The following UBE3B variants were observed in gnomAD, a reference collection of about 807,000 sequenced individuals.
UBE3B encodes the protein ubiquitin-protein ligase E3B.
In UBE3B, 80 loss-of-function variants were observed where a neutral mutation model predicts 132.3. The observed-to-expected ratio is 0.60, with a 90% confidence interval of 0.50 to 0.73. The LOEUF (loss-of-function observed/expected upper bound fraction) is 0.73, where lower values mean the gene tolerates loss of function less well. UBE3B is among the 30% of genes least tolerant of loss of function. The pLI is 0.00. For missense variants in UBE3B, 1,196 were observed against 1,362.5 expected, an observed-to-expected ratio of 0.88 and a Z score of 1.92; for synonymous variants, 487 against 520.4, an observed-to-expected ratio of 0.94 and a Z score of 0.87.
chr12:109,504,378 A>G (rs1206110303), intron 14 of UBE3B, among the ~76,000 whole-genome samples: 1 of 152,228 alleles, frequency 6.6e-6, no homozygotes, highest in African/African-American at 2.4e-5. Context: ...AGCAATGGAG[A>G]TTAAGGCAGG....
chr12:109,541,716 A>G, the UBE3B span, among the ~76,000 whole-genome samples: 1 of 152,202 alleles, frequency 6.6e-6, no homozygotes, highest in Non-Finnish European at 1.5e-5. Context: ...GAAGCCTGAA[A>G]TCAAGGTGCC....
In UBE3B at chr12:109,489,995, T is replaced by A. The variant is rs1190118175; in HGVS notation, c.621T>A (p.Ser207=). ...MGHLNQHGFY[S]VLQILLTRGL... Reference sequence around the variant, plus strand: ...ATCTCAACCAGCATGGATTTTATTCTGTGCTGCAGGTCTGTGACTCCTGCC... The same window carrying A: ...ATCTCAACCAGCATGGATTTTATTCAGTGCTGCAGGTCTGTGACTCCTGCC... The change falls in exon 8 of 28, where the codon TCT becomes TCA. Residue 207 remains serine, a synonymous_variant. Transcript: ENST00000342494. 9 of 1,614,188 alleles carry A rather than the reference T, an allele frequency of 5.6e-6. No individual in the cohort carries two copies. The highest frequency in any genetic ancestry group is 1.3e-5 in the African/African-American group (1 of 75,072).
At position 109,522,821 on chromosome 12, in the gene UBE3B, T is replaced by G. The variant is rs968788510; in HGVS notation, c.2365-1157T>G. ...TGATTTGGGTCCTGGGCCCATTCTC[T>G]GTGCCTCTGTTTCCTCATCTGCATA... On this transcript the variant is annotated intron_variant, in intron 21 of 27. Transcript: ENST00000342494. This position sits in a 1 kb window ranked among gnomAD's most constrained non-coding sequence, Gnocchi z 4.2. 6.6e-6 allele frequency among the ~76,000 whole-genome samples: 1 copy of G among 152,244 alleles called. No individual in the cohort carries two copies. Among genetic ancestry groups the G allele is most frequent in the Non-Finnish European group, 1.5e-5 (1 of 68,040 alleles).
At chr12:109,540,586 G>T (rs1215330572), downstream of UBE3B, among the ~76,000 whole-genome samples, 1 of 152,194 alleles carries the variant, frequency 6.6e-6, no homozygotes, top group African/African-American at 2.4e-5. Context: ...TGGGGCCATG[G>T]CAGTGGCCAC....
chr12:109,546,516 C>T, the UBE3B span, among the ~76,000 whole-genome samples: 2 of 152,102 alleles, frequency 1.3e-5, no homozygotes, highest in African/African-American at 2.4e-5. Flanking sequence ...ATGCTGTGGG[C>T]GTGAATGAAC....
chr12:109,520,010 ACCAGACGGC>A (rs1263642804), intron 19 of UBE3B: 1 of 152,192 alleles, frequency 6.6e-6, no homozygotes, highest in African/African-American at 2.4e-5. Context: ...TGATGAGGGG[ACCAGACGGC>A]AGCCGAGTGG....
rs1874585018 is a variant in UBE3B, at chr12:109,477,937, G to C, written c.-300G>C. The C allele has an allele frequency of 6.5e-6, 1 of 153,024 alleles. No homozygotes were observed. Among genetic ancestry groups the C allele is most frequent in the Admixed American group, 6.5e-5 (1 of 15,286 alleles). 9.5% of individuals were successfully genotyped at this position (153,024 alleles called of 1,614,324 possible). On this transcript the variant is annotated 5_prime_UTR_variant, in exon 1 of 28. Coordinates refer to ENST00000342494, the MANE Select transcript of UBE3B (RefSeq NM_130466.4). ...GGGATCTGGCGTGTGTGCTCCAGGG[G>C]CTCTTTCCGCGGCCCTTTCCACCTC...
chr12:109,537,588 A>G (rs55815037), downstream of UBE3B, among the ~76,000 whole-genome samples: 1,343 of 152,360 alleles, frequency 8.8e-3, 9 homozygotes, highest in Non-Finnish European at 0.015. Flanking sequence ...AGGAGCGTTC[A>G]TGTAACTAAA....
At position 109,534,946 on chromosome 12, in the gene UBE3B, C is replaced by T. The variant is rs576782910; in HGVS notation, c.*164C>T. On this transcript the variant is annotated 3_prime_UTR_variant, in exon 28 of 28. Transcript: ENST00000342494. The surrounding 1 kb of genome is among the most constrained non-coding windows in gnomAD (Gnocchi z 5.2). ...TGTGGCCTCAAGAAATTTAGACGCC[C>T]ACGACAGCACTACACAGCATCTCCA... 8.1e-6 allele frequency: 4 copies of T among 496,098 alleles called. No homozygotes were observed. The highest frequency in any genetic ancestry group is 1.4e-5 in the Non-Finnish European group (4 of 294,132). The allele number at this position is 496,098 out of a possible 1,614,324, so 30.7% of individuals were successfully genotyped here.
chr12:109,500,695 G>A (rs1336797304), intron 12 of UBE3B, among the ~76,000 whole-genome samples: 1 of 152,202 alleles, frequency 6.6e-6, no homozygotes, highest in Non-Finnish European at 1.5e-5. Flanking sequence ...TTCTTGGAGG[G>A]ACTTGGACGA....
At chr12:109,495,667 A>G (rs1245572624) in intron 9 of UBE3B, among the ~76,000 whole-genome samples, 1 of 152,246 alleles carries the variant, frequency 6.6e-6, no homozygotes, top group East Asian at 1.9e-4. Flanking sequence ...CATTGTTTCT[A>G]TAGATTATAG....
intron 11 of UBE3B, 126 bp from the exon 12 acceptor site, chr12:109,499,507 G>A (rs1878680109): frequency 2.2e-6 from 2 of 926,486 alleles, no homozygotes; most frequent in East Asian, 3.3e-5. Context: ...ATTGACAGGT[G>A]CCCCTTATGT....
intron 6 of UBE3B, 95 bp from the exon 7 acceptor site, chr12:109,488,477 A>G (rs1372807385): frequency 4.5e-6 from 5 of 1,099,420 alleles, no homozygotes; most frequent in South Asian, 1.3e-5. Context: ...CAGTGATTCC[A>G]GGCTGAGTGC....
At chr12:109,529,252 A>G (rs1882704582) in intron 24 of UBE3B, among the ~76,000 whole-genome samples, 1 of 152,212 alleles carries the variant, frequency 6.6e-6, no homozygotes, top group Non-Finnish European at 1.5e-5. Context: ...TATATGCTTT[A>G]TGCAGTTGTA....
At chr12:109,513,024 C>T (rs1592939160) in intron 18 of UBE3B, among the ~76,000 whole-genome samples, 1 of 152,318 alleles carries the variant, frequency 6.6e-6, no homozygotes, top group East Asian at 1.9e-4. Context: ...AAAGTGGCTT[C>T]TTTTATCTTC....
At chr12:109,532,504 A>G (rs1430394657) in intron 26 of UBE3B, among the ~76,000 whole-genome samples, 1 of 152,220 alleles carries the variant, frequency 6.6e-6, no homozygotes, top group Non-Finnish European at 1.5e-5. Flanking sequence ...TTTGGAGGAC[A>G]GCTTGATGAT....
chr12:109,545,251 C>T, the UBE3B span, among the ~76,000 whole-genome samples: 4 of 152,218 alleles, frequency 2.6e-5, no homozygotes, highest in South Asian at 6.2e-4. Flanking sequence ...GCAGATGGTG[C>T]CAGATGAGCC....
At chr12:109,513,862 G>A (rs1880659820) in intron 18 of UBE3B, among the ~76,000 whole-genome samples, 1 of 152,088 alleles carries the variant, frequency 6.6e-6, no homozygotes, top group African/African-American at 2.4e-5. Flanking sequence ...CAGAGCAGAT[G>A]GGCTGTCTTG....
In UBE3B at chr12:109,481,104, C is replaced by CAA. The variant is rs1344961435; in HGVS notation, c.-127-517_-127-516dup. Among the ~76,000 whole-genome samples, 909 of 104,862 alleles carry CAA rather than the reference C, an allele frequency of 8.7e-3. 7 individuals carry two copies. Among genetic ancestry groups the CAA allele is most frequent in the Non-Finnish European group, 0.012 (614 of 49,762 alleles). 68.8% of individuals were successfully genotyped at this position (104,862 alleles called of 152,430 possible). On this transcript the variant is annotated intron_variant, in intron 1 of 27. Transcript: ENST00000342494. ...TGGGCGACAGAGCAAGACTCCGTCT[C>CAA]AAAAAAAAAAAAAAAAATGTCAAAC...
Sources: allele counts gnomAD v4.1 joint callset (sites outside exome capture counted in the v4.1 genomes callset), GRCh38; gene constraint gnomAD v4.1.1; non-coding constraint Gnocchi (gnomAD v3.1); transcripts MANE v1.5; gene names NCBI Gene and HGNC (gene_info 2026-07-23, HGNC 2026-07-21).